Variants in AUNIP observed in about 807,000 individuals in gnomAD.
AUNIP encodes aurora kinase A and ninein interacting protein.
A neutral mutation model predicts 12.2 loss-of-function variants in AUNIP; 16 were observed. The observed-to-expected ratio is 1.31, with a 90% CI of 0.88 to 1.99. The LOEUF is 1.99. Ranked by LOEUF, AUNIP falls within the 30% of genes most tolerant of loss-of-function variation. AUNIP has a pLI of 0.00. For missense variants in AUNIP, 411 were observed against 419.1 expected (o/e 0.98, Z 0.17); for synonymous variants, 142 against 154.8 (o/e 0.92, Z 0.61).
Position 25,859,364 on chromosome 1 carries a change from T to C in AUNIP, c.-7A>G, listed in dbSNP as rs1557458832. On this transcript the variant is annotated 5_prime_UTR_variant, in exon 1 of 3. Transcript: ENST00000374298. ...CGGGGCCTGTCCGCCTCATGGCCGCTGAGGAGACGAAGCCGGCAGGACGCC... is the reference window on the plus strand; with the variant it reads ...CGGGGCCTGTCCGCCTCATGGCCGCCGAGGAGACGAAGCCGGCAGGACGCC... The C allele has an allele frequency of 6.6e-7, 1 of 1,519,700 alleles. No individual in the cohort carries two copies. Among genetic ancestry groups the C allele is most frequent in the Non-Finnish European group, 8.8e-7 (1 of 1,138,786 alleles). The allele number at this position is 1,519,700 out of a possible 1,614,324, so 94.1% of individuals were successfully genotyped here.
chr1:25,854,608 A>T (rs914546460), intron 1 of AUNIP, among the ~76,000 whole-genome samples: 3 of 151,916 alleles, frequency 2.0e-5, no homozygotes, highest in Non-Finnish European at 4.4e-5. Context: ...TTATGTTCAA[A>T]AAGGGGGAGA....
intron 1 of AUNIP, among the ~76,000 whole-genome samples, chr1:25,843,181 A>ATATATATATATAT (rs1553123787): frequency 6.7e-5 from 7 of 104,890 alleles, no homozygotes; most frequent in South Asian, 2.6e-4. Context: ...TCAAAAAAAA[A>ATATATATATATAT]AAAAATATAT....
At chr1:25,838,908 A>G (rs904613936) in intron 1 of AUNIP, among the ~76,000 whole-genome samples, 7 of 152,228 alleles carry the variant, frequency 4.6e-5, no homozygotes, top group African/African-American at 1.7e-4. Flanking sequence ...CTGAATCTTG[A>G]AGCCGAGTTA....
At chr1:25,844,959 C>T (rs2048371986) in intron 1 of AUNIP, among the ~76,000 whole-genome samples, 1 of 152,094 alleles carries the variant, frequency 6.6e-6, no homozygotes, top group African/African-American at 2.4e-5. Context: ...ATAAGCATGC[C>T]CTAAGGAGGA....
intron 2 of AUNIP, among the ~76,000 whole-genome samples, 194 bp from the exon 3 acceptor site, chr1:25,836,040 T>C (rs138009945): frequency 3.3e-5 from 5 of 152,308 alleles, no homozygotes; most frequent in Non-Finnish European, 7.4e-5. Context: ...CTCTAAAACA[T>C]CAGATCTTAT....
In AUNIP at chr1:25,844,167, C is replaced by T. The variant is rs138578134; in HGVS notation, c.79-6613G>A. ...TGTTGCCCAGGCTGGAGTGCAGTGG[C>T]GCAATCTCGGCTCACTGCAACCTCC... On this transcript the variant is annotated intron_variant, in intron 1 of 2. Transcript: ENST00000374298. Among the ~76,000 whole-genome samples the T allele has an allele frequency of 7.2e-3, 1,097 of 152,214 alleles. 12 individuals are homozygous for T. Among genetic ancestry groups the T allele is most frequent in the African/African-American group, 0.024 (1,013 of 41,526 alleles).
At chr1:25,832,319 C>T, downstream of AUNIP, 2 of 803,676 alleles carry the variant, frequency 2.5e-6, no homozygotes, top group Non-Finnish European at 3.9e-6. Context: ...TTTCCTTGCC[C>T]CTGTGTGAAA....
intron 1 of AUNIP, among the ~76,000 whole-genome samples, chr1:25,854,953 CTTTTTTT>C (rs1159770557): frequency 2.5e-5 from 3 of 121,124 alleles, no homozygotes; most frequent in East Asian, 2.3e-4. Context: ...AGAATTCTTT[CTTTTTTT>C]TTTTTTTTTT....
chr1:25,836,852 C>G (rs968441021), intron 2 of AUNIP, among the ~76,000 whole-genome samples: 1 of 152,196 alleles, frequency 6.6e-6, no homozygotes, highest in East Asian at 1.9e-4. Flanking sequence ...TTAGAGCACT[C>G]TTCCCAACAC....
intron 1 of AUNIP, among the ~76,000 whole-genome samples, chr1:25,858,176 T>C (rs1467675214): frequency 6.6e-6 from 1 of 151,890 alleles, no homozygotes. Flanking sequence ...CAAAAAATAA[T>C]AATAATAAAT....
At position 25,836,506 on chromosome 1, in the gene AUNIP, C is replaced by T. The variant is rs368965387; in HGVS notation, c.221-660G>A. 3.9e-5 allele frequency among the ~76,000 whole-genome samples: 6 copies of T among 152,280 alleles called. No homozygotes were observed. In the East Asian group the frequency reaches 1.2e-3, roughly 29 times the overall value. ...AGGCATAGAGTGGATTCTGTTCTGC[C>T]TTAAGATAAGGATGGAGGACATGGA... On this transcript the variant is annotated intron_variant, in intron 2 of 2. Coordinates refer to ENST00000374298, the MANE Select transcript of AUNIP (RefSeq NM_024037.3).
chr1:25,833,911 G>C (rs1199062423), downstream of AUNIP: 6 of 635,130 alleles, frequency 9.4e-6, no homozygotes, highest in Non-Finnish European at 7.8e-6. Context: ...CTCTGGTTCA[G>C]ATCAGGCTCA....
intron 1 of AUNIP, among the ~76,000 whole-genome samples, chr1:25,844,600 CTT>C (rs141052356): frequency 2.7e-5 from 4 of 148,260 alleles, no homozygotes; most frequent in Non-Finnish European, 3.0e-5. Flanking sequence ...AATATAATTC[CTT>C]TTTTTTTTTC....
intron 1 of AUNIP, among the ~76,000 whole-genome samples, chr1:25,857,546 G>A (rs186556226): frequency 7.8e-4 from 116 of 149,654 alleles, no homozygotes; most frequent in African/African-American, 2.7e-3. Context: ...ACCGCACCCG[G>A]CCATTTTGAT....
At position 25,834,364 on chromosome 1, in the gene AUNIP, T is replaced by A. The variant is rs1175735601; in HGVS notation, c.*629A>T. On this transcript the variant is annotated 3_prime_UTR_variant, in exon 3 of 3. Transcript: ENST00000374298. ...GGCGCGGTGGCTTATGCCTGTAATC[T>A]CAGCACTTTGGGAGGCTGAGGTGGG... The A allele has an allele frequency of 1.0e-6, 1 of 984,146 alleles. No homozygotes were observed. The highest frequency in any genetic ancestry group is 1.2e-6 in the Non-Finnish European group (1 of 828,996). 61.0% of individuals were successfully genotyped at this position (984,146 alleles called of 1,614,324 possible). A position where few individuals can be genotyped will look rare whatever the true frequency, so the allele number is the denominator to read the frequency against.
rs779347389 is a variant in AUNIP at position 25,859,330 on chromosome 1, C to A, written c.28G>T (p.Ala10Ser). 5.8e-6 allele frequency: 9 copies of A among 1,564,600 alleles called. No individual in the cohort carries two copies. The Admixed American group carries it at 7.5e-5, about 13-fold the overall frequency. MRRTGPEEE[A>S]CGVWLDAAAL... ...GCCGCGTCCAGCCACACGCCGCAGG[C>A]CTCCTCCTCGGGGCCTGTCCGCCTC... The change falls in exon 1 of 3, where the codon GCC (alanine) becomes TCC (serine). Residue 10 changes from alanine to serine, a missense_variant. By Grantham distance (99) the Ala-to-Ser change is moderately conservative. Transcript: ENST00000374298.
At chr1:25,849,109 G>A (rs187302439) in intron 1 of AUNIP, among the ~76,000 whole-genome samples, 9 of 152,194 alleles carry the variant, frequency 5.9e-5, no homozygotes, top group Non-Finnish European at 1.2e-4. Context: ...CTTTTATTTC[G>A]TGTTTCACAA....
At chr1:25,850,751 C>G (rs2048419617) in intron 1 of AUNIP, among the ~76,000 whole-genome samples, 1 of 151,626 alleles carries the variant, frequency 6.6e-6, no homozygotes, top group African/African-American at 2.4e-5. Flanking sequence ...ATTTTTGTAT[C>G]CTGTCACACT....
chr1:25,832,188 C>T (rs2048254027), downstream of AUNIP: 6 of 1,538,488 alleles, frequency 3.9e-6, no homozygotes, highest in Non-Finnish European at 5.2e-6. Context: ...TTATATATTT[C>T]CCAGACTTCA....
Sources: allele counts gnomAD v4.1 joint callset (sites outside exome capture counted in the v4.1 genomes callset), GRCh38; gene constraint gnomAD v4.1.1; transcripts MANE v1.5; gene names NCBI Gene and HGNC (gene_info 2026-07-23, HGNC 2026-07-21).